The following RTN4 variants were observed in gnomAD, a reference collection of about 807,000 sequenced individuals.
RTN4 encodes reticulon 4.
In RTN4, 32 loss-of-function variants were observed where a neutral mutation model predicts 90.4. The ratio of observed to expected loss-of-function variants is 0.35; its 90% CI spans 0.27 to 0.48. RTN4 has a LOEUF of 0.48. Among genes scored for constraint, RTN4 ranks in the 20% least tolerant of loss-of-function variants. The pLI, the probability that RTN4 is intolerant of heterozygous loss-of-function variation, is 0.99. For missense variants in RTN4, 1,706 were observed against 1,430.2 expected, an observed-to-expected ratio of 1.19 and a Z score of -3.11; for synonymous variants, 629 against 552.5, an observed-to-expected ratio of 1.14 and a Z score of -1.94.
chr2:54,990,718 T>C (rs1406305231), intron 3 of RTN4, among the ~76,000 whole-genome samples: 2 of 152,196 alleles, frequency 1.3e-5, no homozygotes, highest in African/African-American at 4.8e-5. Flanking sequence ...GTTTTTACTA[T>C]TATAGGGTAA....
intron 2 of RTN4, among the ~76,000 whole-genome samples, chr2:55,069,368 C>T (rs74464515): frequency 0.051 from 7,817 of 152,140 alleles, 631 homozygotes; most frequent in African/African-American, 0.17. Context: ...CCTCTGTAAC[C>T]GCCCCCCTCA....
rs200292355 is a variant in RTN4, at chr2:55,026,191, T to A, written c.1908A>T (p.Ser636=). ...SAGASVIQPS[S]SPLEASSVNY... The stretch of plus-strand genomic sequence containing the variant: ...TAACTGAAGAAGCTTCTAATGGTGA[T>A]GAGCTGGGCTGTATCACGGAAGCAC... The change falls in exon 3 of 9, where the codon TCA becomes TCT. Residue 636 remains serine, a synonymous_variant. Transcript: ENST00000337526. 1.2e-6 allele frequency: 2 copies of A among 1,613,688 alleles called. No individual in the cohort carries two copies. The highest frequency in any genetic ancestry group is 2.2e-5 in the East Asian group (1 of 44,866).
At chr2:54,973,295 A>T in intron 8 of RTN4, 97 bp from the exon 9 acceptor site, 1 of 1,121,898 alleles carries the variant, frequency 8.9e-7, no homozygotes. Context: ...AGCTAATACA[A>T]TAAATGAAAT....
chr2:55,076,113 GCAA>G, intron 2 of RTN4, among the ~76,000 whole-genome samples: 1 of 152,276 alleles, frequency 6.6e-6, no homozygotes, highest in South Asian at 2.1e-4. Context: ...CTCCTGCACA[GCAA>G]AAGAAATAAT....
intron 1 of RTN4, among the ~76,000 whole-genome samples, chr2:55,102,014 T>C (rs1416395151): frequency 6.6e-6 from 1 of 152,284 alleles, no homozygotes; most frequent in Admixed American, 6.5e-5. Context: ...CTTTTAGATG[T>C]GACATCTGAA....
chr2:55,063,475 G>C (rs538951691), intron 2 of RTN4, among the ~76,000 whole-genome samples: 1 of 151,950 alleles, frequency 6.6e-6, no homozygotes, highest in Non-Finnish European at 1.5e-5. Context: ...GTGGGGGAGA[G>C]GCTAGCAGAT....
intron 3 of RTN4, among the ~76,000 whole-genome samples, chr2:55,016,937 C>T (rs1395159857): frequency 6.6e-6 from 1 of 152,170 alleles, no homozygotes; most frequent in Non-Finnish European, 1.5e-5. Flanking sequence ...TATTTAACCA[C>T]ATTATATTTA....
At chr2:54,992,293 T>C (rs1679073101) in intron 3 of RTN4, among the ~76,000 whole-genome samples, 1 of 152,200 alleles carries the variant, frequency 6.6e-6, no homozygotes, top group Non-Finnish European at 1.5e-5. Flanking sequence ...GGATAAAAAC[T>C]CATATTCTCC....
intron 1 of RTN4, among the ~76,000 whole-genome samples, chr2:55,094,346 T>G (rs1381586700): frequency 6.6e-6 from 1 of 152,212 alleles, no homozygotes; most frequent in Non-Finnish European, 1.5e-5. Flanking sequence ...TGTTTGTTGT[T>G]GAAGTCACCC....
chr2:55,026,396 C>G lies in RTN4; in HGVS notation c.1703G>C (p.Gly568Ala). The G allele has an allele frequency of 6.2e-7, 1 of 1,613,832 alleles. No homozygotes were observed. The highest frequency in any genetic ancestry group is 8.5e-7 in the Non-Finnish European group (1 of 1,179,852). Reference sequence around the variant, plus strand: ...TTTTGTTTCATAAGCAATCTTTGTACCAGTAACTTCATTCAATTCACTTTC... The same window carrying G: ...TTTTGTTTCATAAGCAATCTTTGTAGCAGTAACTTCATTCAATTCACTTTC... ...ACESELNEVT[G>A]TKIAYETKMD... Residue 568 changes from glycine (G) to alanine (A), a missense_variant, in exon 3 of 9, where the codon GGT becomes GCT. Transcript: ENST00000337526.
At position 54,972,955 on chromosome 2, in the gene RTN4, A is replaced by G. The variant is rs1408429496; in HGVS notation, c.*201T>C. On this transcript the variant is annotated 3_prime_UTR_variant, in exon 9 of 9. Transcript: ENST00000337526. ...GGTTTAAATCCATACATAGCAGCTT[A>G]CAATACTTAAGATGATGAACACATG... 2.1e-6 allele frequency: 1 copy of G among 473,358 alleles called. No homozygotes were observed. The allele number at this position is 473,358 out of a possible 1,614,324, so 29.3% of individuals were successfully genotyped here.
intron 1 of RTN4, among the ~76,000 whole-genome samples, chr2:55,043,169 A>T (rs1339002818): frequency 1.3e-5 from 2 of 152,162 alleles, no homozygotes. Context: ...ACATTCATTC[A>T]AACACTACTG....
chr2:54,997,488 C>G (rs1679521965), intron 3 of RTN4, among the ~76,000 whole-genome samples: 1 of 152,180 alleles, frequency 6.6e-6, no homozygotes. Context: ...TATTACCTGG[C>G]AATTCCACTC....
At chr2:55,016,658 A>T (rs1175663717) in intron 3 of RTN4, among the ~76,000 whole-genome samples, 2 of 152,158 alleles carry the variant, frequency 1.3e-5, no homozygotes, top group Non-Finnish European at 2.9e-5. Flanking sequence ...TTAAACATTG[A>T]TTATGTCTGG....
chr2:55,029,628 T>A (rs1379695592), intron 1 of RTN4, among the ~76,000 whole-genome samples: 1 of 152,192 alleles, frequency 6.6e-6, no homozygotes, highest in African/African-American at 2.4e-5. Context: ...ATATTACCCT[T>A]AATGAATTAG....
chr2:54,976,804 T>C (rs1196861945), intron 5 of RTN4, among the ~76,000 whole-genome samples: 1 of 152,210 alleles, frequency 6.6e-6, no homozygotes, highest in South Asian at 2.1e-4. Flanking sequence ...GCTGCTCTCA[T>C]TTTGGACTTA....
intron 1 of RTN4, among the ~76,000 whole-genome samples, chr2:55,105,072 G>A (rs560520926): frequency 4.0e-5 from 6 of 151,714 alleles, no homozygotes; most frequent in African/African-American, 7.3e-5. Flanking sequence ...CTCCCAAAAC[G>A]CTGGGATTAT....
the RTN4 span, among the ~76,000 whole-genome samples, chr2:55,119,258 G>C: frequency 6.6e-6 from 1 of 152,152 alleles, no homozygotes; most frequent in African/African-American, 2.4e-5. Context: ...CAAGTTTCCT[G>C]CAATTACTCA....
In RTN4 at chr2:54,987,646, A is replaced by T; in HGVS notation, c.3066T>A (p.Gly1022=). The T allele has an allele frequency of 6.2e-7, 1 of 1,614,226 alleles. No individual in the cohort carries two copies. Among genetic ancestry groups the T allele is most frequent in the South Asian group, 1.1e-5 (1 of 91,088 alleles). The change falls in exon 4 of 9, where the codon GGT becomes GGA. Residue 1022 remains glycine (G), a synonymous_variant. Transcript: ENST00000337526. ...ATGAAAGCAGCAGGAATAGGCTGGC[A>T]CCAAACACCACTCCAGTCTTCTTAA... ...RDIKKTGVVF[G]ASLFLLLSLT...
Sources: gnomAD v4.1 joint callset for allele counts (sites outside exome capture counted in the v4.1 genomes callset) on GRCh38, gnomAD v4.1.1 for gene constraint, MANE v1.5 for transcripts, NCBI Gene and HGNC (gene_info 2026-07-23, HGNC 2026-07-21) for gene names.